The following BBS12 variants were observed in gnomAD, a reference collection of about 807,000 sequenced individuals.
BBS12 encodes the protein Bardet-Biedl syndrome 12, also known as chaperonin-containing T-complex member BBS12.
A neutral mutation model predicts 5.6 loss-of-function variants in BBS12; 5 were observed. The observed-to-expected ratio is 0.89, with a 90% CI of 0.46 to 1.86. The LOEUF (loss-of-function observed/expected upper bound fraction) is 1.86, where lower values mean the gene tolerates loss of function less well. BBS12 is among the 40% of genes most tolerant of loss of function. The probability of loss-of-function intolerance (pLI) is 0.01; values close to 1 mark genes in which losing one functional copy is unlikely to be tolerated. For missense variants in BBS12, 748 were observed against 830.4 expected (o/e 0.90, Z 1.22); for synonymous variants, 308 against 306.8 (o/e 1.00, Z -0.04).
At chr4:122,714,324 C>T in the BBS12 span, among the ~76,000 whole-genome samples, 1 of 152,132 alleles carries the variant, frequency 6.6e-6, no homozygotes, top group Admixed American at 6.5e-5. Flanking sequence ...ATAAGTTTTG[C>T]TTGTTTAATC....
rs374270431 is a variant in BBS12, at chr4:122,743,058, A to C, written c.1166A>C (p.Glu389Ala). 6.2e-7 allele frequency: 1 copy of C among 1,614,140 alleles called. No individual in the cohort carries two copies. Among genetic ancestry groups the C allele is most frequent in the African/African-American group, 1.3e-5 (1 of 74,940 alleles). Reference sequence around the variant, plus strand: ...GTATTAGATAGCATGCGGCTTCAAGAAGACAGCTCAGAAGAACTGTGGGCA... The same window carrying C: ...GTATTAGATAGCATGCGGCTTCAAGCAGACAGCTCAGAAGAACTGTGGGCA... ...KTVLDSMRLQEDSSEELWANH... is the reference protein window; with the variant it reads ...KTVLDSMRLQADSSEELWANH... Residue 389 changes from glutamate (E) to alanine (A), a missense_variant, in exon 2 of 2, where the codon GAA becomes GCA. Glu to Ala is a moderately radical substitution (Grantham distance 107, BLOSUM62 -1). Transcript: ENST00000314218.
At chr4:122,741,669 G>A (rs1347890308) in intron 1 of BBS12, among the ~76,000 whole-genome samples, 1 of 152,014 alleles carries the variant, frequency 6.6e-6, no homozygotes, top group Non-Finnish European at 1.5e-5. Flanking sequence ...CAGCCCTCAT[G>A]CTTCATTTCC....
At chr4:122,718,674 C>A in the BBS12 span, among the ~76,000 whole-genome samples, 1 of 150,650 alleles carries the variant, frequency 6.6e-6, no homozygotes, top group African/African-American at 2.5e-5. Context: ...TGGGCTAAGA[C>A]TTGAGAGGAA....
At chr4:122,708,050 T>C in the BBS12 span, among the ~76,000 whole-genome samples, 1 of 151,008 alleles carries the variant, frequency 6.6e-6, no homozygotes, top group African/African-American at 2.4e-5. Context: ...CCTGCTCTTT[T>C]GCCCAGGCTG....
chr4:122,703,821 A>G, the BBS12 span, among the ~76,000 whole-genome samples: 7 of 152,316 alleles, frequency 4.6e-5, no homozygotes, highest in East Asian at 1.3e-3. Flanking sequence ...TTTTTAATTA[A>G]TTAATTTATT....
chr4:122,731,833 T>C (rs1269377749), upstream of BBS12: 1 of 152,228 alleles, frequency 6.6e-6, no homozygotes, highest in African/African-American at 2.4e-5. Context: ...TACTGTGCCA[T>C]CATGTACATC....
chr4:122,711,193 A>C, the BBS12 span, among the ~76,000 whole-genome samples: 6 of 152,170 alleles, frequency 3.9e-5, no homozygotes, highest in Non-Finnish European at 8.8e-5. Context: ...CATGAGGAGG[A>C]ATCACTTTAG....
chr4:122,701,188 CCTT>C, the BBS12 span, among the ~76,000 whole-genome samples: 1 of 152,144 alleles, frequency 6.6e-6, no homozygotes, highest in Non-Finnish European at 1.5e-5. Flanking sequence ...TTTTAATCTT[CCTT>C]TTCTTTCATC....
upstream of BBS12, chr4:122,729,865 T>G (rs1297067921): frequency 6.6e-6 from 1 of 152,210 alleles, no homozygotes; most frequent in African/African-American, 2.4e-5. Flanking sequence ...GAGAATCTCT[T>G]GAGCCCAGGA....
Position 122,741,928 on chromosome 4 carries a change from A to G in BBS12, c.36A>G (p.Arg12=). The part of the protein sequence containing the change: ...VMACRVVNKR[R]HMGLQQLSSF... Reference sequence around the variant, plus strand: ...CTTGCAGAGTCGTAAACAAAAGAAGACACATGGGACTTCAACAACTTTCAT... The same window carrying G: ...CTTGCAGAGTCGTAAACAAAAGAAGGCACATGGGACTTCAACAACTTTCAT... The change falls in exon 2 of 2, where the codon AGA becomes AGG. Residue 12 remains arginine, a synonymous_variant. Transcript: ENST00000314218. The G allele has an allele frequency of 6.2e-7, 1 of 1,614,134 alleles. No homozygotes were observed. The highest frequency in any genetic ancestry group is 8.5e-7 in the Non-Finnish European group (1 of 1,179,998).
At chr4:122,716,109 A>C in the BBS12 span, among the ~76,000 whole-genome samples, 2 of 152,136 alleles carry the variant, frequency 1.3e-5, no homozygotes, top group Non-Finnish European at 2.9e-5. Context: ...CTTCCTTTTC[A>C]ATGTTGTATT....
chr4:122,719,391 G>A, the BBS12 span, among the ~76,000 whole-genome samples: 17 of 152,226 alleles, frequency 1.1e-4, no homozygotes, highest in East Asian at 1.5e-3. Context: ...CAACCCACTC[G>A]GGTCGGCTTC....
upstream of BBS12, chr4:122,729,380 C>T (rs1490375027): frequency 2.0e-5 from 3 of 152,314 alleles, no homozygotes; most frequent in East Asian, 3.9e-4. Context: ...TATGAGATTC[C>T]GTTTCCCAAC....
chr4:122,719,646 C>G, the BBS12 span, among the ~76,000 whole-genome samples: 1 of 152,106 alleles, frequency 6.6e-6, no homozygotes, highest in Non-Finnish European at 1.5e-5. Context: ...AGACCATGAA[C>G]CCACTGGAAG....
rs200240034 is a variant in BBS12, at chr4:122,741,960, C to T, written c.68C>T (p.Ala23Val). The stretch of plus-strand genomic sequence containing the variant: ...GGACTTCAACAACTTTCATCATTCG[C>T]GGAAACAGGAAGAACTTTCCTAGGC... The part of the protein sequence containing the change: ...HMGLQQLSSF[A>V]ETGRTFLGPL... Residue 23 changes from alanine (A) to valine (V), a missense_variant, in exon 2 of 2, where the codon GCG (alanine) becomes GTG (valine). Ala to Val is a moderately conservative substitution (Grantham distance 64). Transcript: ENST00000314218. 5.9e-5 allele frequency: 96 copies of T among 1,613,450 alleles called. 1 individual carries two copies. The highest frequency in any genetic ancestry group is 7.2e-5 in the Non-Finnish European group (85 of 1,179,822).
rs891260179 is a variant in BBS12, at chr4:122,744,575, A to T, written c.*550A>T. ...CCAGTAAGTATGCAGGGACACTCAG[A>T]GCCCATAGTGGATAGTCTCTTCCAA... On this transcript the variant is annotated 3_prime_UTR_variant, in exon 2 of 2. Coordinates refer to ENST00000314218, the MANE Select transcript of BBS12 (RefSeq NM_152618.3). 1.2e-5 allele frequency: 2 copies of T among 168,140 alleles called. No homozygotes were observed. Among genetic ancestry groups the T allele is most frequent in the Non-Finnish European group, 2.9e-5 (2 of 68,946 alleles). The allele number at this position is 168,140 out of a possible 1,614,324, so 10.4% of individuals were successfully genotyped here.
At position 122,742,180 on chromosome 4, in the gene BBS12, C is replaced by G; in HGVS notation, c.288C>G (p.Ser96Arg). The G allele has an allele frequency of 1.2e-6, 2 of 1,613,872 alleles. No individual in the cohort carries two copies. The highest frequency in any genetic ancestry group is 1.1e-5 in the South Asian group (1 of 91,080). Reference sequence around the variant, plus strand: ...TTTTGTTTCTTGTTGGTGCTTGGAGCAGTGCAGTTGAAGAATGTCTTCATC... The same window carrying G: ...TTTTGTTTCTTGTTGGTGCTTGGAGGAGTGCAGTTGAAGAATGTCTTCATC... Reference protein sequence around the residue: ...STLLFLVGAWSSAVEECLHLG... With the variant: ...STLLFLVGAWRSAVEECLHLG... Residue 96 changes from serine (S) to arginine (R), a missense_variant, in exon 2 of 2, where the codon AGC becomes AGG. Physicochemically the swap from Ser to Arg is moderately radical, Grantham distance 110. Transcript: ENST00000314218.
the BBS12 span, among the ~76,000 whole-genome samples, chr4:122,719,396 G>A: frequency 8.6e-5 from 13 of 152,004 alleles, no homozygotes; most frequent in African/African-American, 1.2e-4. Context: ...CACTCGGGTC[G>A]GCTTCCACGT....
chr4:122,719,351 A>C, the BBS12 span, among the ~76,000 whole-genome samples: 2 of 152,286 alleles, frequency 1.3e-5, no homozygotes, highest in African/African-American at 4.8e-5. Context: ...AAATAAGGGA[A>C]TAAAAGCTGG....
Sources: gnomAD v4.1 joint callset for allele counts (sites outside exome capture counted in the v4.1 genomes callset) on GRCh38, gnomAD v4.1.1 for gene constraint, MANE v1.5 for transcripts, NCBI Gene and HGNC (gene_info 2026-07-23, HGNC 2026-07-21) for gene names.